The following DGKI variants were observed in gnomAD, a reference collection of about 807,000 sequenced individuals.
The protein encoded by DGKI is diacylglycerol kinase iota.
In DGKI, 55 loss-of-function variants were observed where a neutral mutation model predicts 147.5. The observed-to-expected ratio is 0.37, with a 90% CI of 0.30 to 0.47. DGKI has a LOEUF of 0.47. Ranked by LOEUF, DGKI falls within the 20% of genes least tolerant of loss-of-function variation. The probability of loss-of-function intolerance (pLI) is 1.00; values close to 1 mark genes in which losing one functional copy is unlikely to be tolerated. For synonymous variants in DGKI, 469 were observed against 477.1 expected, an observed-to-expected ratio of 0.98 and a Z score of 0.22; for missense variants, 1,007 against 1,323.8, an observed-to-expected ratio of 0.76 and a Z score of 3.71.
intron 3 of DGKI, among the ~76,000 whole-genome samples, chr7:137,676,518 A>G (rs1363895735): frequency 6.6e-6 from 1 of 152,228 alleles, no homozygotes; most frequent in Non-Finnish European, 1.5e-5. Flanking sequence ...CTGAGCTTCA[A>G]GAAACTTACA....
chr7:137,635,031 G>C (rs2129003157), intron 6 of DGKI, among the ~76,000 whole-genome samples: 1 of 152,306 alleles, frequency 6.6e-6, no homozygotes, highest in East Asian at 1.9e-4. Context: ...GTATAAGGAA[G>C]GACATATGAA....
At chr7:137,788,297 A>G (rs1162504624) in intron 1 of DGKI, among the ~76,000 whole-genome samples, 1 of 152,040 alleles carries the variant, frequency 6.6e-6, no homozygotes, top group African/African-American at 2.4e-5. Context: ...GGGTTCATTT[A>G]AAACTCATCA....
chr7:137,491,576 A>G (rs1285644655), intron 21 of DGKI, among the ~76,000 whole-genome samples: 2 of 152,228 alleles, frequency 1.3e-5, no homozygotes, highest in East Asian at 1.9e-4. Context: ...CTATCTTCCT[A>G]TCCTGATAAA....
chr7:137,403,858 T>G (rs1173748229), intron 30 of DGKI, among the ~76,000 whole-genome samples: 2 of 152,248 alleles, frequency 1.3e-5, no homozygotes, highest in Admixed American at 6.5e-5. Context: ...TTATTTTTTT[T>G]TTCATTTACA....
intron 27 of DGKI, among the ~76,000 whole-genome samples, chr7:137,461,550 T>C (rs770428373): frequency 1.1e-4 from 16 of 152,216 alleles, no homozygotes; most frequent in Admixed American, 5.2e-4. Flanking sequence ...GTAAGGCATC[T>C]GGTTTAGTTT....
intron 19 of DGKI, among the ~76,000 whole-genome samples, chr7:137,568,531 G>A (rs934556281): frequency 3.3e-5 from 5 of 152,132 alleles, no homozygotes; most frequent in Non-Finnish European, 7.3e-5. Flanking sequence ...CTTCCAATCA[G>A]ACTTCTCCAG....
chr7:137,828,567 T>C (rs1798129130), intron 1 of DGKI, among the ~76,000 whole-genome samples: 1 of 152,210 alleles, frequency 6.6e-6, no homozygotes, highest in African/African-American at 2.4e-5. Flanking sequence ...TTTTCCTTTT[T>C]CATTTCTCAT....
rs2351137 is a variant in DGKI at position 137,386,593 on chromosome 7, C to T, written c.*4627G>A. ...TATCTGGGGAAGATTTTTGCAACTGCGTGACAAAATTATTGACAGTAGTAG... is the reference window on the plus strand; with the variant it reads ...TATCTGGGGAAGATTTTTGCAACTGTGTGACAAAATTATTGACAGTAGTAG... On this transcript the variant is annotated 3_prime_UTR_variant, in exon 33 of 33. Coordinates refer to ENST00000614521, the MANE Select transcript of DGKI (RefSeq NM_001321708.2). 46,916 of 151,842 alleles carry T rather than the reference C, an allele frequency of 0.31. 7,602 individuals carry two copies. The highest frequency in any genetic ancestry group is 0.36 in the Admixed American group (5,543 of 15,228). 9.4% of individuals were successfully genotyped at this position (151,842 alleles called of 1,614,324 possible).
At chr7:137,657,617 T>C (rs997039330) in intron 3 of DGKI, among the ~76,000 whole-genome samples, 4 of 152,154 alleles carry the variant, frequency 2.6e-5, no homozygotes, top group Admixed American at 6.5e-5. Flanking sequence ...AAATGTACTA[T>C]AACTAAGCCT....
At chr7:137,731,553 T>G (rs1794886515) in intron 1 of DGKI, among the ~76,000 whole-genome samples, 1 of 152,080 alleles carries the variant, frequency 6.6e-6, no homozygotes, top group African/African-American at 2.4e-5. Context: ...GTAGTAAACC[T>G]CTCACTCTGA....
At chr7:137,629,947 G>C in intron 6 of DGKI, among the ~76,000 whole-genome samples, 1 of 152,062 alleles carries the variant, frequency 6.6e-6, no homozygotes, top group Non-Finnish European at 1.5e-5. Context: ...GAAAACCTAA[G>C]TTTTCTAAAT....
At chr7:137,479,557 C>T (rs1815297816) in intron 23 of DGKI, among the ~76,000 whole-genome samples, 1 of 152,144 alleles carries the variant, frequency 6.6e-6, no homozygotes, top group Non-Finnish European at 1.5e-5. Context: ...CTGATGCACA[C>T]ATAATTTAAT....
Position 137,394,822 on chromosome 7 carries a change from C to T in DGKI, c.3057+776G>A, listed in dbSNP as rs140177495. ...AACAAAACAGACTCCATAAACAAAC[C>T]GATTTTGTTATGTGGCTGGGGTGTT... On this transcript the variant is annotated intron_variant, in intron 32 of 32. Coordinates refer to ENST00000614521, the MANE Select transcript of DGKI (RefSeq NM_001321708.2). Among the ~76,000 whole-genome samples, 293 of 152,254 alleles carry T rather than the reference C, an allele frequency of 1.9e-3. 1 individual carries two copies. Among genetic ancestry groups the T allele is most frequent in the African/African-American group, 6.7e-3 (279 of 41,536 alleles).
At chr7:137,620,019 G>GCACA (rs3839659) in intron 7 of DGKI, 79 bp from the exon 8 acceptor site, 116,552 of 498,144 alleles carry the variant, frequency 0.23, 6,417 homozygotes, top group East Asian at 0.31. Context: ...ATGTACACAC[G>GCACA]CACACACACA....
At chr7:137,799,286 T>A (rs771789067) in intron 1 of DGKI, among the ~76,000 whole-genome samples, 2 of 152,168 alleles carry the variant, frequency 1.3e-5, no homozygotes, top group African/African-American at 2.4e-5. Flanking sequence ...ATTCCACTTA[T>A]TTGAAATGCC....
rs184818794 is a variant in DGKI at position 137,813,631 on chromosome 7, C to G, written c.401+32831G>C. On this transcript the variant is annotated intron_variant, in intron 1 of 32. Coordinates refer to ENST00000614521, the MANE Select transcript of DGKI (RefSeq NM_001321708.2). ...CTCAGAGGAATGCTCCCAAGTACCT[C>G]CAGTCTTATCATATTCTCTAGTTCC... Among the ~76,000 whole-genome samples, 416 of 152,276 alleles carry G rather than the reference C, an allele frequency of 2.7e-3. 2 individuals are homozygous for G. Among genetic ancestry groups the G allele is most frequent in the African/African-American group, 9.1e-3 (379 of 41,548 alleles).
intron 1 of DGKI, among the ~76,000 whole-genome samples, chr7:137,829,912 G>A (rs1399991637): frequency 1.3e-5 from 2 of 152,166 alleles, no homozygotes; most frequent in Non-Finnish European, 2.9e-5. Flanking sequence ...GCAGGCATAA[G>A]TCTGAAAAAT....
At chr7:137,629,253 A>C (rs1298900045) in intron 6 of DGKI, among the ~76,000 whole-genome samples, 1 of 152,200 alleles carries the variant, frequency 6.6e-6, no homozygotes, top group Non-Finnish European at 1.5e-5. Flanking sequence ...TATGTATTTT[A>C]TATTTCATCT....
At chr7:137,638,574 A>ATGTATATGTG (rs1821472070) in intron 6 of DGKI, among the ~76,000 whole-genome samples, 2 of 27,498 alleles carry the variant, frequency 7.3e-5, no homozygotes, top group Non-Finnish European at 1.6e-4. Flanking sequence ...ACACACATAT[A>ATGTATATGTG]TGTATATATA....
Sources: allele counts gnomAD v4.1 joint callset (sites outside exome capture counted in the v4.1 genomes callset), GRCh38; gene constraint gnomAD v4.1.1; transcripts MANE v1.5; gene names NCBI Gene and HGNC (gene_info 2026-07-23, HGNC 2026-07-21).